APAF1: variants seen among roughly 807,000 people sequenced by gnomAD.
APAF1 encodes the protein apoptotic protease-activating factor 1.
In APAF1, 91 loss-of-function variants were observed where a neutral mutation model predicts 152.4. The observed-to-expected ratio is 0.60, with a 90% confidence interval of 0.50 to 0.71. The LOEUF is 0.71. APAF1 is among the 30% of genes least tolerant of loss of function. The probability of loss-of-function intolerance (pLI) is 0.00; values close to 1 mark genes in which losing one functional copy is unlikely to be tolerated. For missense variants in APAF1, 1,283 were observed against 1,472.0 expected, an observed-to-expected ratio of 0.87 and a Z score of 2.10; for synonymous variants, 484 against 494.1, an observed-to-expected ratio of 0.98 and a Z score of 0.27.
chr12:98,729,636 A>T (rs2097757249), intron 26 of APAF1, among the ~76,000 whole-genome samples: 1 of 152,246 alleles, frequency 6.6e-6, no homozygotes, highest in Admixed American at 6.5e-5. Context: ...TTTTCATTCA[A>T]AATTGATTCC....
chr12:98,654,835 T>TTTTTTTTTTTTTTTTTTA (rs1565856303), intron 4 of APAF1, among the ~76,000 whole-genome samples: 3 of 127,894 alleles, frequency 2.3e-5, no homozygotes, highest in Non-Finnish European at 3.3e-5. Context: ...TTTTTTTTTT[T>TTTTTTTTTTTTTTTTTTA]AATTTATTTT....
In APAF1 at chr12:98,670,556, G is replaced by A. The variant is rs1390680370; in HGVS notation, c.1495-417G>A. Among the ~76,000 whole-genome samples the A allele has an allele frequency of 2.0e-5, 3 of 151,874 alleles. No homozygotes were observed. In the East Asian group the frequency reaches 5.8e-4, roughly 29 times the overall value. ...TTTTTTAAAACTTCTTTGGTCTTGA[G>A]TTTAATTTATATTGCTTTCTACTGT... On this transcript the variant is annotated intron_variant, in intron 10 of 26. Transcript: ENST00000551964.
At chr12:98,674,333 C>T (rs1020630317) in intron 12 of APAF1, among the ~76,000 whole-genome samples, 53 of 152,044 alleles carry the variant, frequency 3.5e-4, no homozygotes, top group Admixed American at 9.8e-4. Flanking sequence ...AGACAAAAAA[C>T]AATAGTAATA....
intron 16 of APAF1, 22 bp from the exon 17 acceptor site, chr12:98,699,386 T>G: frequency 6.2e-7 from 1 of 1,610,934 alleles, no homozygotes; most frequent in South Asian, 1.1e-5. Flanking sequence ...AACTTTTTCT[T>G]TTTTATTACT....
In APAF1 at chr12:98,734,427, G is replaced by C. The variant is rs771831357; in HGVS notation, c.*1861G>C. On this transcript the variant is annotated 3_prime_UTR_variant, in exon 27 of 27. Coordinates refer to ENST00000551964, the MANE Select transcript of APAF1 (RefSeq NM_181861.2). The stretch of plus-strand genomic sequence containing the variant: ...TGGAGATAAATTAATAGTAGATGTG[G>C]TTCCCAGAAAATATAATCAAAATTC... 6.6e-6 allele frequency: 1 copy of C among 152,154 alleles called. No homozygotes were observed. Among genetic ancestry groups the C allele is most frequent in the Non-Finnish European group, 1.5e-5 (1 of 68,026 alleles). The allele number at this position is 152,154 out of a possible 1,614,324, so 9.4% of individuals were successfully genotyped here.
chr12:98,731,395 C>T (rs769508417), intron 26 of APAF1, among the ~76,000 whole-genome samples: 1 of 152,194 alleles, frequency 6.6e-6, no homozygotes, highest in Non-Finnish European at 1.5e-5. Flanking sequence ...TAAGTGATCT[C>T]TAAGAGCCTT....
intron 17 of APAF1, among the ~76,000 whole-genome samples, chr12:98,702,301 G>A (rs1320783112): frequency 2.0e-5 from 3 of 151,906 alleles, no homozygotes; most frequent in South Asian, 2.1e-4. Flanking sequence ...TCCTGACCTC[G>A]TGATCCACCT....
chr12:98,677,868 G>T (rs758307834), intron 13 of APAF1, among the ~76,000 whole-genome samples: 1 of 152,184 alleles, frequency 6.6e-6, no homozygotes, highest in African/African-American at 2.4e-5. Context: ...AGGGAATAGG[G>T]CTGTGATTAA....
chr12:98,665,278 A>ATATATATATATATT (rs1491316422), intron 7 of APAF1, among the ~76,000 whole-genome samples: 14 of 65,984 alleles, frequency 2.1e-4, no homozygotes, highest in African/African-American at 7.3e-4. Flanking sequence ...ATATATATAT[A>ATATATATATATATT]TTTTTTTTTT....
intron 20 of APAF1, among the ~76,000 whole-genome samples, chr12:98,711,721 G>T (rs2097728086): frequency 6.6e-6 from 1 of 152,208 alleles, no homozygotes; most frequent in South Asian, 2.1e-4. Context: ...TGGGATTTAA[G>T]CATTGGTACA....
At chr12:98,666,427 T>G in intron 9 of APAF1, 70 bp downstream of exon 9, 2 of 1,452,616 alleles carry the variant, frequency 1.4e-6, no homozygotes, top group Non-Finnish European at 1.9e-6. Flanking sequence ...ATTGAAAATT[T>G]ACAAAATAGT....
At chr12:98,652,895 T>A (rs1339793995) in intron 4 of APAF1, among the ~76,000 whole-genome samples, 1 of 152,150 alleles carries the variant, frequency 6.6e-6, no homozygotes, top group Non-Finnish European at 1.5e-5. Flanking sequence ...AAAGTGCTGG[T>A]ATTACAGGCG....
intron 20 of APAF1, among the ~76,000 whole-genome samples, chr12:98,709,425 C>T (rs551147904): frequency 1.3e-5 from 2 of 152,096 alleles, no homozygotes; most frequent in South Asian, 2.1e-4. Context: ...TTCAGGAGCT[C>T]GGAGTGGTGG....
intron 16 of APAF1, among the ~76,000 whole-genome samples, chr12:98,691,625 T>C (rs2097704318): frequency 6.6e-6 from 1 of 152,216 alleles, no homozygotes; most frequent in Non-Finnish European, 1.5e-5. Flanking sequence ...TAAGGCCCTC[T>C]GGATTAGTGT....
chr12:98,701,913 G>A (rs915519290), intron 17 of APAF1, among the ~76,000 whole-genome samples: 1 of 152,084 alleles, frequency 6.6e-6, no homozygotes, highest in South Asian at 2.1e-4. Context: ...AGGCAAGTTT[G>A]CCAAGTTTCC....
chr12:98,686,689 T>A, intron 15 of APAF1, 59 bp from the exon 16 acceptor site: 1 of 1,526,906 alleles, frequency 6.5e-7, no homozygotes. Context: ...TCACATGATT[T>A]CTGATGTTTC....
rs777981927 is a variant in APAF1 at position 98,727,176 on chromosome 12, T to C, written c.3460T>C (p.Trp1154Arg). ...ATTGTGTATCATGTTTATGTAGATA[T>C]GGAATGTCTCAAACGGTGAGCTTCT... ...TGDDNGEIRI[W>R]NVSNGELLHL... Residue 1154 changes from tryptophan to arginine, a missense_variant, in exon 26 of 27, where the codon TGG becomes CGG. Coordinates refer to ENST00000551964, the MANE Select transcript of APAF1 (RefSeq NM_181861.2). 3 of 1,614,106 alleles carry C rather than the reference T, an allele frequency of 1.9e-6. No homozygotes were observed. The highest frequency in any genetic ancestry group is 2.5e-6 in the Non-Finnish European group (3 of 1,179,956).
chr12:98,694,170 C>G (rs755498862), intron 16 of APAF1, among the ~76,000 whole-genome samples: 4 of 152,128 alleles, frequency 2.6e-5, no homozygotes, highest in Non-Finnish European at 5.9e-5. Context: ...CTATTAAAAT[C>G]CTAGAAGAAA....
chr12:98,702,841 C>CAAA (rs201068873), intron 17 of APAF1, among the ~76,000 whole-genome samples: 1,931 of 81,128 alleles, frequency 0.024, 37 homozygotes, highest in African/African-American at 0.049. Flanking sequence ...AAGTCTGTCT[C>CAAA]AAAAAAAAAA....
Sources: gnomAD v4.1 joint callset for allele counts (sites outside exome capture counted in the v4.1 genomes callset) on GRCh38, gnomAD v4.1.1 for gene constraint, MANE v1.5 for transcripts, NCBI Gene and HGNC (gene_info 2026-07-23, HGNC 2026-07-21) for gene names.